The following FERRY3 variants were observed in gnomAD, a reference collection of about 807,000 sequenced individuals.
FERRY3 encodes protein C12orf4.
chr12:4,504,735 T>C, the FERRY3 span, among the ~76,000 whole-genome samples: 1 of 152,168 alleles, frequency 6.6e-6, no homozygotes, highest in African/African-American at 2.4e-5. Context: ...TAGCAAACAA[T>C]GATAAAACTT....
At chr12:4,500,238 T>C in the FERRY3 span, 1 of 1,614,008 alleles carries the variant, frequency 6.2e-7, no homozygotes, top group South Asian at 1.1e-5. Flanking sequence ...AATGGCAGGA[T>C]CACGAGCAGT....
the FERRY3 span, chr12:4,534,194 T>G: frequency 6.2e-7 from 1 of 1,611,330 alleles, no homozygotes; most frequent in African/African-American, 1.3e-5. Flanking sequence ...CGCCAGCTGA[T>G]GTAAATCTAC....
chr12:4,500,512 A>T, the FERRY3 span, among the ~76,000 whole-genome samples: 1 of 152,270 alleles, frequency 6.6e-6, no homozygotes. Flanking sequence ...CAATTCTCAG[A>T]GAGAAGGTAA....
chr12:4,515,860 T>C, the FERRY3 span, among the ~76,000 whole-genome samples: 1 of 152,198 alleles, frequency 6.6e-6, no homozygotes, highest in Non-Finnish European at 1.5e-5. Flanking sequence ...TGCTAATTCG[T>C]TTGAAGTAAT....
At chr12:4,530,310 G>A in the FERRY3 span, among the ~76,000 whole-genome samples, 2 of 152,196 alleles carry the variant, frequency 1.3e-5, no homozygotes, top group Admixed American at 6.5e-5. Context: ...TAATGTGGAG[G>A]AAGGGATAGG....
chr12:4,528,914 CACACACACACACACACACACACACAA>C, the FERRY3 span, among the ~76,000 whole-genome samples: 13 of 139,462 alleles, frequency 9.3e-5, no homozygotes, highest in Admixed American at 8.3e-4. Flanking sequence ...CACACACACA[CACACACACACACACACACACACACAA>C]ACAAAAGTGA....
the FERRY3 span, chr12:4,524,957 A>G: frequency 4.7e-6 from 1 of 213,756 alleles, no homozygotes; most frequent in Non-Finnish European, 9.2e-6. Context: ...GCATTCAACC[A>G]ATGTTTACTG....
chr12:4,519,278 T>C, the FERRY3 span, among the ~76,000 whole-genome samples: 1 of 152,216 alleles, frequency 6.6e-6, no homozygotes, highest in East Asian at 1.9e-4. The surrounding 1 kb of genome is among the most constrained non-coding windows in gnomAD (Gnocchi z 4.3). Context: ...GATGAAGTGA[T>C]AGCAATAAAA....
chr12:4,500,986 T>G, the FERRY3 span, among the ~76,000 whole-genome samples: 1 of 152,230 alleles, frequency 6.6e-6, no homozygotes, highest in African/African-American at 2.4e-5. Context: ...AAAGGTTACT[T>G]GTTTTTTACG....
the FERRY3 span, among the ~76,000 whole-genome samples, chr12:4,496,983 T>C: frequency 2.0e-5 from 3 of 152,216 alleles, no homozygotes; most frequent in South Asian, 2.1e-4. Flanking sequence ...TTGGCATATC[T>C]ACCAAAGCTA....
the FERRY3 span, among the ~76,000 whole-genome samples, chr12:4,515,143 T>C: frequency 6.6e-6 from 1 of 152,192 alleles, no homozygotes; most frequent in African/African-American, 2.4e-5. Flanking sequence ...TGAATTACTC[T>C]GCGATTTGAG....
the FERRY3 span, among the ~76,000 whole-genome samples, chr12:4,499,973 T>C: frequency 1.3e-5 from 2 of 152,216 alleles, no homozygotes; most frequent in African/African-American, 4.8e-5. Context: ...TAAGGATTAT[T>C]CACCAATTTG....
At chr12:4,501,410 C>T in the FERRY3 span, among the ~76,000 whole-genome samples, 1 of 152,288 alleles carries the variant, frequency 6.6e-6, no homozygotes, top group South Asian at 2.1e-4. Flanking sequence ...CCGTCCATCA[C>T]CTGTTAGGAA....
At chr12:4,522,173 T>C in the FERRY3 span, among the ~76,000 whole-genome samples, 1 of 152,164 alleles carries the variant, frequency 6.6e-6, no homozygotes, top group Non-Finnish European at 1.5e-5. Flanking sequence ...CGGTAAATCT[T>C]AGTACCTTCC....
chr12:4,491,297 A>C, the FERRY3 span: 1 of 1,433,582 alleles, frequency 7.0e-7, no homozygotes, highest in South Asian at 1.2e-5. Context: ...AAATAAAGTC[A>C]GATCTTTATC....
chr12:4,510,182 G>A, the FERRY3 span, among the ~76,000 whole-genome samples: 1 of 140,008 alleles, frequency 7.1e-6, no homozygotes, highest in Non-Finnish European at 1.5e-5. Context: ...AAGCAAGAAG[G>A]GAAGTTTAGA....
At chr12:4,500,939 C>T in the FERRY3 span, among the ~76,000 whole-genome samples, 1 of 152,214 alleles carries the variant, frequency 6.6e-6, no homozygotes, top group South Asian at 2.1e-4. Flanking sequence ...GCGTGGGCCA[C>T]CGTGCCCAGC....
At chr12:4,491,239 A>T in the FERRY3 span, 1 of 1,610,518 alleles carries the variant, frequency 6.2e-7, no homozygotes, top group Non-Finnish European at 8.5e-7. Flanking sequence ...CATTTCCTAA[A>T]AACAGAAACA....
the FERRY3 span, among the ~76,000 whole-genome samples, chr12:4,530,970 TAAAA>T: frequency 6.9e-6 from 1 of 144,610 alleles, no homozygotes; most frequent in Non-Finnish European, 1.5e-5. Flanking sequence ...AAGATACCTG[TAAAA>T]AAAAAAACTA....
Sources: allele counts gnomAD v4.1 joint callset (sites outside exome capture counted in the v4.1 genomes callset), GRCh38; gene constraint gnomAD v4.1.1; non-coding constraint Gnocchi (gnomAD v3.1); transcripts MANE v1.5; gene names NCBI Gene and HGNC (gene_info 2026-07-23, HGNC 2026-07-21).